The following LSG1 variants were observed in gnomAD, a reference collection of about 807,000 sequenced individuals.
The protein encoded by LSG1 is large subunit GTPase 1 homolog.
LSG1 carries 55 observed loss-of-function variants against 82.6 expected under a neutral mutation model. The observed-to-expected ratio is 0.67, with a 90% confidence interval of 0.54 to 0.83. LSG1 has a LOEUF of 0.83. Ranked by LOEUF, LSG1 falls within the 40% of genes least tolerant of loss-of-function variation. The probability of loss-of-function intolerance (pLI) is 0.00; values close to 1 mark genes in which losing one functional copy is unlikely to be tolerated. For missense variants in LSG1, 809 were observed against 807.9 expected, an observed-to-expected ratio of 1.00 and a Z score of -0.02; for synonymous variants, 272 against 282.5, an observed-to-expected ratio of 0.96 and a Z score of 0.37.
chr3:194,645,391 A>G (rs1047192225), intron 12 of LSG1: 3 of 152,150 alleles, frequency 2.0e-5, no homozygotes, highest in African/African-American at 7.2e-5. Flanking sequence ...CCAAATCCTC[A>G]CAACTGGTTA....
intron 5 of LSG1, among the ~76,000 whole-genome samples, chr3:194,662,775 A>C (rs950737815): frequency 6.6e-6 from 1 of 152,172 alleles, no homozygotes; most frequent in African/African-American, 2.4e-5. Flanking sequence ...AAAACAAAAC[A>C]AAACCACACA....
intron 8 of LSG1, chr3:194,651,419 G>T: frequency 3.5e-6 from 2 of 576,026 alleles, no homozygotes; most frequent in Non-Finnish European, 6.2e-6. Flanking sequence ...AGTGACAAAT[G>T]GCCAAGTTAT....
At chr3:194,669,759 C>T (rs1408108611) in intron 2 of LSG1, among the ~76,000 whole-genome samples, 1 of 152,090 alleles carries the variant, frequency 6.6e-6, no homozygotes, top group Non-Finnish European at 1.5e-5. Context: ...TGGTGAAACC[C>T]CATCTCTACT....
At chr3:194,667,056 G>A (rs1577260234) in intron 2 of LSG1, among the ~76,000 whole-genome samples, 2 of 151,620 alleles carry the variant, frequency 1.3e-5, no homozygotes, top group South Asian at 4.2e-4. Context: ...CTGTAAACTT[G>A]CTTTCTTTGT....
chr3:194,666,137 G>GT, intron 4 of LSG1, 66 bp downstream of exon 4: 1 of 1,353,454 alleles, frequency 7.4e-7, no homozygotes, highest in East Asian at 2.3e-5. Flanking sequence ...AAATGGCTGT[G>GT]TAAGCATGCC....
At chr3:194,658,857 A>G (rs1339329296) in intron 7 of LSG1, 100 bp downstream of exon 7, 17 of 1,212,006 alleles carry the variant, frequency 1.4e-5, no homozygotes. Context: ...TCTAATTCCC[A>G]CAGATTTTCC....
chr3:194,670,247 C>G, intron 1 of LSG1, 112 bp from the exon 2 acceptor site: 1 of 1,065,984 alleles, frequency 9.4e-7, no homozygotes, highest in Middle Eastern at 2.7e-4. Context: ...GTTGTAGTCC[C>G]TTTAGAATCA....
rs1340578413 is a variant in LSG1 at position 194,649,223 on chromosome 3, C to T, written c.1420-419G>A. ...GTCCAAATTTTCCTTAAGCCACTAA[C>T]AATATTCTACCTTGTACTAGAGTTA... On this transcript the variant is annotated intron_variant, in intron 10 of 13. Coordinates refer to ENST00000265245, the MANE Select transcript of LSG1 (RefSeq NM_018385.3). Among the ~76,000 whole-genome samples, 7 of 152,246 alleles carry T rather than the reference C, an allele frequency of 4.6e-5. No individual in the cohort carries two copies. In the South Asian group the frequency reaches 1.5e-3, roughly 32 times the overall value.
Position 194,659,127 on chromosome 3 carries a change from A to G in LSG1, c.589T>C (p.Tyr197His), listed in dbSNP as rs1718869802. Residue 197 changes from tyrosine to histidine, a missense_variant, in exon 7 of 14, where the codon TAT (tyrosine) becomes CAT (histidine). Transcript: ENST00000265245. ...TTATTGGCATCCATTTCTTTCACATAACATTCCTAAGCAAGACAAAGAGAT... is the reference window on the plus strand; with the variant it reads ...TTATTGGCATCCATTTCTTTCACATGACATTCCTAAGCAAGACAAAGAGAT... ...LLFRCEDLEC[Y>H]VKEMDANKEN... 3 of 1,612,658 alleles carry G rather than the reference A, an allele frequency of 1.9e-6. No homozygotes were observed. The highest frequency in any genetic ancestry group is 2.2e-5 in the East Asian group (1 of 44,846).
chr3:194,651,065 A>G, intron 9 of LSG1, 41 bp from the exon 10 acceptor site: 5 of 1,614,128 alleles, frequency 3.1e-6, no homozygotes, highest in Non-Finnish European at 4.2e-6. Context: ...TATACAACAG[A>G]TAAAAGGAAG....
intron 7 of LSG1, among the ~76,000 whole-genome samples, chr3:194,656,886 A>G (rs1488963244): frequency 2.0e-5 from 3 of 152,162 alleles, no homozygotes; most frequent in Non-Finnish European, 4.4e-5. Flanking sequence ...TTCTCAGCAA[A>G]CTATTGCAAG....
intron 2 of LSG1, among the ~76,000 whole-genome samples, chr3:194,667,991 C>T (rs1367703061): frequency 7.5e-6 from 1 of 134,064 alleles, no homozygotes; most frequent in Non-Finnish European, 1.6e-5. Context: ...ATATGATTCA[C>T]ATACTATACA....
At chr3:194,659,999 T>TCTGAGGCATA (rs1718890640) in intron 6 of LSG1, 74 bp downstream of exon 6, 2 of 1,279,020 alleles carry the variant, frequency 1.6e-6, no homozygotes, top group Non-Finnish European at 2.3e-6. Context: ...ATGCCTACAG[T>TCTGAGGCATA]CATTGCTGAG....
rs531841145 is a variant in LSG1, at chr3:194,647,377, T to C, written c.1544-1134A>G. ...CAAATCATTAAGACAGAACCATGTA[T>C]AGGAAAATGTGATTCCCAGAAGAAA... On this transcript the variant is annotated intron_variant, in intron 11 of 13. Coordinates refer to ENST00000265245, the MANE Select transcript of LSG1 (RefSeq NM_018385.3). 9.5e-4 allele frequency among the ~76,000 whole-genome samples: 145 copies of C among 152,338 alleles called. 1 individual carries two copies. Among genetic ancestry groups the C allele is most frequent in the African/African-American group, 2.5e-3 (104 of 41,582 alleles).
At chr3:194,645,515 C>CAGACAG (rs1718506768) in intron 12 of LSG1, 1 of 53,914 alleles carries the variant, frequency 1.9e-5, no homozygotes, top group Non-Finnish European at 4.2e-5. Context: ...CACACACACA[C>CAGACAG]ACACACACAC....
intron 11 of LSG1, among the ~76,000 whole-genome samples, chr3:194,647,411 G>T (rs1303937457): frequency 6.6e-6 from 1 of 152,094 alleles, no homozygotes; most frequent in African/African-American, 2.4e-5. Context: ...AAAATAAATG[G>T]TCACAAAACA....
rs938157955 is a variant in LSG1 at position 194,644,159 on chromosome 3, G to A, written c.1797+414C>T. On this transcript the variant is annotated intron_variant, in intron 13 of 13. Coordinates refer to ENST00000265245, the MANE Select transcript of LSG1 (RefSeq NM_018385.3). ...GGGTGGATCATGAGGTCAGGAGATC[G>A]AGACCATCCTGGCTAACAAGGTGAA... 4.7e-4 allele frequency among the ~76,000 whole-genome samples: 72 copies of A among 151,906 alleles called. 1 individual carries two copies. Among genetic ancestry groups the A allele is most frequent in the Non-Finnish European group, 1.0e-4 (7 of 67,976 alleles).
At chr3:194,644,255 G>A (rs1055202292) in intron 13 of LSG1, among the ~76,000 whole-genome samples, 8 of 151,378 alleles carry the variant, frequency 5.3e-5, no homozygotes, top group South Asian at 2.1e-4. Flanking sequence ...CCAGCTACTC[G>A]GGAGGCTGAG....
chr3:194,664,517 T>C (rs1014685365), intron 5 of LSG1, among the ~76,000 whole-genome samples: 2 of 152,178 alleles, frequency 1.3e-5, no homozygotes, highest in African/African-American at 4.8e-5. Context: ...GTTCATCAAC[T>C]TCTAACAATC....
Sources: gnomAD v4.1 joint callset for allele counts (sites outside exome capture counted in the v4.1 genomes callset) on GRCh38, gnomAD v4.1.1 for gene constraint, MANE v1.5 for transcripts, NCBI Gene and HGNC (gene_info 2026-07-23, HGNC 2026-07-21) for gene names.